ODAD2: variants seen among roughly 807,000 people sequenced by gnomAD.
ODAD2 encodes outer dynein arm-docking complex subunit 2.
Under a neutral mutation model 106.8 loss-of-function variants are expected in ODAD2, and 89 were observed. The ratio of observed to expected loss-of-function variants is 0.83; its 90% CI spans 0.70 to 0.99. The LOEUF (loss-of-function observed/expected upper bound fraction) is 0.99, where lower values mean the gene tolerates loss of function less well. ODAD2 is among the 50% of genes least tolerant of loss of function. The pLI is 0.00. For missense variants in ODAD2, 1,168 were observed against 1,238.5 expected (o/e 0.94, Z 0.85); for synonymous variants, 404 against 436.2 (o/e 0.93, Z 0.92).
chr10:27,838,111 T>C (rs370673507), intron 19 of ODAD2, among the ~76,000 whole-genome samples: 8 of 152,228 alleles, frequency 5.3e-5, no homozygotes, highest in African/African-American at 1.7e-4. Context: ...GAGCATATTT[T>C]TGGCACATTA....
chr10:27,839,256 T>C (rs993600933), intron 19 of ODAD2, among the ~76,000 whole-genome samples: 1 of 152,182 alleles, frequency 6.6e-6, no homozygotes, highest in Admixed American at 6.6e-5. Context: ...TCTGAAGATA[T>C]ATAAGTAACA....
rs10580710 is a variant in ODAD2 at position 27,827,379 on chromosome 10, C to CTATATATATA, written c.3022-14764_3022-14755dup. ...AGACACACACATACACACACACACACTATATATATATATATATATATATAT... is the reference window on the plus strand; with the variant it reads ...AGACACACACATACACACACACACACTATATATATATATATATATATATATATATATATAT... On this transcript the variant is annotated intron_variant, in intron 19 of 19. Transcript: ENST00000305242. Among the ~76,000 whole-genome samples, 518 of 132,370 alleles carry CTATATATATA rather than the reference C, an allele frequency of 3.9e-3. 3 individuals carry two copies. Among genetic ancestry groups the CTATATATATA allele is most frequent in the Non-Finnish European group, 4.8e-3 (305 of 64,156 alleles). The allele number at this position is 132,370 out of a possible 152,430, so 86.8% of individuals were successfully genotyped here.
intron 19 of ODAD2, among the ~76,000 whole-genome samples, chr10:27,844,678 A>G (rs1237565595): frequency 6.6e-6 from 1 of 152,242 alleles, no homozygotes; most frequent in Non-Finnish European, 1.5e-5. Context: ...AGAAGATTGA[A>G]TAAAAGACTC....
At chr10:27,824,735 G>A (rs1836903874) in intron 19 of ODAD2, among the ~76,000 whole-genome samples, 1 of 152,138 alleles carries the variant, frequency 6.6e-6, no homozygotes, top group Admixed American at 6.5e-5. Flanking sequence ...TATAGTGCCT[G>A]CATTTAACTT....
rs187332306 is a variant in ODAD2, at chr10:27,944,016, A to C, written c.1743+206T>G. Among the ~76,000 whole-genome samples the C allele has an allele frequency of 7.8e-4, 118 of 152,228 alleles. 2 individuals are homozygous for C. The highest frequency in any genetic ancestry group is 2.8e-3 in the African/African-American group (115 of 41,526). ...TTTAAAACTGTCCTATTTCTTCAAA[A>C]AATGAGTTTGAAGATGTTTTTGTTT... On this transcript the variant is annotated intron_variant, in intron 12 of 19. Coordinates refer to ENST00000305242, the MANE Select transcript of ODAD2 (RefSeq NM_018076.5).
intron 6 of ODAD2, among the ~76,000 whole-genome samples, chr10:27,983,364 C>G (rs926082682): frequency 2.0e-5 from 3 of 152,212 alleles, no homozygotes; most frequent in Non-Finnish European, 4.4e-5. Flanking sequence ...CTGTGGGGAC[C>G]AGCACAGCCT....
chr10:27,923,635 T>C (rs1042622788), intron 16 of ODAD2, among the ~76,000 whole-genome samples: 2 of 152,048 alleles, frequency 1.3e-5, no homozygotes, highest in African/African-American at 4.8e-5. Flanking sequence ...CATCAAACTC[T>C]ACACTCTGTT....
chr10:27,871,674 G>A (rs1317406589), intron 17 of ODAD2, among the ~76,000 whole-genome samples: 6 of 152,222 alleles, frequency 3.9e-5, no homozygotes, highest in Admixed American at 6.5e-5. Flanking sequence ...GTAGATGTGT[G>A]GTATTATTTC....
chr10:27,851,538 C>T (rs1262281648), intron 19 of ODAD2, among the ~76,000 whole-genome samples: 1 of 151,492 alleles, frequency 6.6e-6, no homozygotes, highest in Non-Finnish European at 1.5e-5. Flanking sequence ...GATAGTATTG[C>T]AGATGTAAAA....
intron 17 of ODAD2, among the ~76,000 whole-genome samples, chr10:27,886,857 C>T (rs1842253614): frequency 6.6e-6 from 1 of 151,566 alleles, no homozygotes; most frequent in African/African-American, 2.4e-5. Flanking sequence ...ATGTTAGTAA[C>T]CACAAAGAAA....
intron 19 of ODAD2, among the ~76,000 whole-genome samples, chr10:27,843,568 C>T (rs1482923644): frequency 3.3e-5 from 5 of 151,942 alleles, no homozygotes; most frequent in Admixed American, 1.3e-4. Flanking sequence ...GAGTTTGAGA[C>T]CAGGCTGACC....
At chr10:27,899,302 C>T (rs59610152) in intron 17 of ODAD2, among the ~76,000 whole-genome samples, 33,057 of 151,938 alleles carry the variant, frequency 0.22, 4,465 homozygotes, top group African/African-American at 0.37. Flanking sequence ...ACTTTTCCCA[C>T]GGTCTTTGCA....
At chr10:27,921,851 AT>A (rs1261845679) in intron 16 of ODAD2, among the ~76,000 whole-genome samples, 9 of 148,962 alleles carry the variant, frequency 6.0e-5, no homozygotes, top group Non-Finnish European at 1.3e-4. Context: ...TTTTTTTGTA[AT>A]TTAATGAAAG....
chr10:27,881,093 A>C (rs906435670), intron 17 of ODAD2, among the ~76,000 whole-genome samples: 1 of 152,228 alleles, frequency 6.6e-6, no homozygotes, highest in Non-Finnish European at 1.5e-5. Context: ...AAATGGAGCT[A>C]ATAAGATTTT....
chr10:27,875,861 T>C (rs1274795873), intron 17 of ODAD2, among the ~76,000 whole-genome samples: 1 of 152,138 alleles, frequency 6.6e-6, no homozygotes, highest in Non-Finnish European at 1.5e-5. Flanking sequence ...ACTGCACTTT[T>C]CCAACAGTCT....
rs1467265032 is a variant in ODAD2, at chr10:27,922,477, T to C, written c.2495+12533A>G. ...GGAATAATAATGTTTGAATGTTATA[T>C]ATAACAAAACAGAAATAATGCACTT... On this transcript the variant is annotated intron_variant, in intron 16 of 19. Coordinates refer to ENST00000305242, the MANE Select transcript of ODAD2 (RefSeq NM_018076.5). Among the ~76,000 whole-genome samples, 3 of 151,876 alleles carry C rather than the reference T, an allele frequency of 2.0e-5. No individual in the cohort carries two copies. In the East Asian group the frequency reaches 5.8e-4, roughly 29 times the overall value.
intron 17 of ODAD2, among the ~76,000 whole-genome samples, chr10:27,900,511 G>A (rs571881000): frequency 2.4e-4 from 36 of 152,042 alleles, no homozygotes; most frequent in Non-Finnish European, 4.4e-4. Flanking sequence ...TAACAAACTC[G>A]TCTGAGCTAA....
intron 17 of ODAD2, among the ~76,000 whole-genome samples, chr10:27,891,167 T>A (rs1164297040): frequency 6.6e-6 from 1 of 152,148 alleles, no homozygotes; most frequent in East Asian, 1.9e-4. Context: ...TCCTGTTTGA[T>A]CAGCTGTGTT....
intron 18 of ODAD2, among the ~76,000 whole-genome samples, chr10:27,861,706 CT>C (rs1467794693): frequency 6.6e-6 from 1 of 152,176 alleles, no homozygotes; most frequent in Admixed American, 6.5e-5. Context: ...CGATATCCTT[CT>C]TTGTATACGT....
Sources: gnomAD v4.1 joint callset for allele counts (sites outside exome capture counted in the v4.1 genomes callset) on GRCh38, gnomAD v4.1.1 for gene constraint, MANE v1.5 for transcripts, NCBI Gene and HGNC (gene_info 2026-07-23, HGNC 2026-07-21) for gene names.